AGAP1: variants seen among roughly 807,000 people sequenced by gnomAD.
AGAP1 encodes the protein arf-GAP with GTPase, ANK repeat and PH domain-containing protein 1.
Under a neutral mutation model 105.3 loss-of-function variants are expected in AGAP1, and 29 were observed. That is an observed-to-expected ratio of 0.28 (90% CI 0.21 to 0.38). The LOEUF is 0.38. Ranked by LOEUF, AGAP1 falls within the 10% of genes least tolerant of loss-of-function variation. The pLI, the probability that AGAP1 is intolerant of heterozygous loss-of-function variation, is 1.00. For synonymous variants in AGAP1, 509 were observed against 485.9 expected (o/e 1.05, Z -0.63); for missense variants, 998 against 1,165.1 (o/e 0.86, Z 2.09).
chr2:235,717,274 A>G (rs894851307), intron 2 of AGAP1, among the ~76,000 whole-genome samples: 9 of 152,186 alleles, frequency 5.9e-5, no homozygotes, highest in Admixed American at 4.6e-4. Context: ...CCCTGATGTA[A>G]ACAATGTGCT....
At chr2:235,684,196 C>T (rs2149409717) in intron 1 of AGAP1, among the ~76,000 whole-genome samples, 1 of 152,250 alleles carries the variant, frequency 6.6e-6, no homozygotes, top group South Asian at 2.1e-4. Context: ...TGGCCGCCAC[C>T]ACGCCTGGCT....
chr2:235,615,884 C>T lies in AGAP1; in HGVS notation c.164-93295C>T, dbSNP rs567896457. On this transcript the variant is annotated intron_variant, in intron 1 of 17. Coordinates refer to ENST00000304032, the MANE Select transcript of AGAP1 (RefSeq NM_001037131.3). The surrounding 1 kb of genome is among the most constrained non-coding windows in gnomAD (Gnocchi z 5.0). ...AACACTTGTAGCAAAATTAAAAGAC[C>T]AACAAAAATATGTATTACATATAGA... 2.6e-5 allele frequency among the ~76,000 whole-genome samples: 4 copies of T among 152,024 alleles called. No individual in the cohort carries two copies. In the South Asian group the frequency reaches 8.3e-4, roughly 32 times the overall value.
chr2:235,700,090 A>G lies in AGAP1; in HGVS notation c.164-9089A>G, dbSNP rs958800647. Among the ~76,000 whole-genome samples, 1 of 152,244 alleles carries G rather than the reference A, an allele frequency of 6.6e-6. No homozygotes were observed. Among genetic ancestry groups the G allele is most frequent in the African/African-American group, 2.4e-5 (1 of 41,466 alleles). The stretch of plus-strand genomic sequence containing the variant: ...AACCTGCCCTAGGAAGATGCTTGCA[A>G]CAAAACTTGTTATCACCTTGGTTTA... On this transcript the variant is annotated intron_variant, in intron 1 of 17. Transcript: ENST00000304032. The surrounding 1 kb of genome is among the most constrained non-coding windows in gnomAD (Gnocchi z 6.1).
chr2:235,892,445 TATC>T (rs950050966), intron 10 of AGAP1, among the ~76,000 whole-genome samples: 1 of 152,132 alleles, frequency 6.6e-6, no homozygotes, highest in African/African-American at 2.4e-5. Flanking sequence ...TCTCTAAAAT[TATC>T]ATCAGAATGC....
At chr2:236,086,944 G>T (rs1004295807) in intron 16 of AGAP1, among the ~76,000 whole-genome samples, 1 of 148,712 alleles carries the variant, frequency 6.7e-6, no homozygotes. Flanking sequence ...GGAAGCAGCT[G>T]GTGGGTTTTG....
intron 9 of AGAP1, among the ~76,000 whole-genome samples, chr2:235,854,938 C>T (rs1349272402): frequency 1.3e-5 from 2 of 152,178 alleles, no homozygotes; most frequent in Non-Finnish European, 2.9e-5. Flanking sequence ...GTTTGGTCAG[C>T]TCTGACTTCG....
Position 235,930,733 on chromosome 2 carries a change from C to T in AGAP1, c.1325-32C>T, listed in dbSNP as rs1487712201. 6.9e-6 allele frequency: 11 copies of T among 1,605,404 alleles called. No homozygotes were observed. Among genetic ancestry groups the T allele is most frequent in the East Asian group, 2.2e-5 (1 of 44,804 alleles). On this transcript the variant is annotated intron_variant, in intron 11 of 17. Coordinates refer to ENST00000304032, the MANE Select transcript of AGAP1 (RefSeq NM_001037131.3). The surrounding 1 kb of genome is among the most constrained non-coding windows in gnomAD (Gnocchi z 7.9). ...GCTGGTTTCTGTGGTCTGCAGTCCG[C>T]GGTGGTGTTCACCTGACTTGTTTAT... is the stretch of plus-strand genomic sequence containing the variant.
chr2:235,821,217 C>T (rs989256749), intron 9 of AGAP1, among the ~76,000 whole-genome samples: 29 of 152,024 alleles, frequency 1.9e-4, no homozygotes, highest in African/African-American at 6.8e-4. Flanking sequence ...GATGTACAGC[C>T]ATTAAAATGG....
chr2:236,120,828 A>G lies in AGAP1; in HGVS notation c.2370+381A>G, dbSNP rs1423115818. On this transcript the variant is annotated intron_variant, in intron 17 of 17. Coordinates refer to ENST00000304032, the MANE Select transcript of AGAP1 (RefSeq NM_001037131.3). The surrounding 1 kb of genome is among the most constrained non-coding windows in gnomAD (Gnocchi z 6.0). ...ACTTAACACAGAAATACTGGACCCTAAACTTTGAGGTCTGATGTGGCAGGA... is the reference window on the plus strand; with the variant it reads ...ACTTAACACAGAAATACTGGACCCTGAACTTTGAGGTCTGATGTGGCAGGA... Among the ~76,000 whole-genome samples the G allele has an allele frequency of 6.6e-6, 1 of 152,206 alleles. No individual in the cohort carries two copies. Among genetic ancestry groups the G allele is most frequent in the East Asian group, 1.9e-4 (1 of 5,192 alleles).
Position 236,035,690 on chromosome 2 carries a change from C to T in AGAP1, c.1646-871C>T, listed in dbSNP as rs1294794649. Reference sequence around the variant, plus strand: ...TTGCCAGTGGTGCCTCCTCCTTTGGCGGGGACTTGGGGGCCGGGAGTAGGG... The same window carrying T: ...TTGCCAGTGGTGCCTCCTCCTTTGGTGGGGACTTGGGGGCCGGGAGTAGGG... On this transcript the variant is annotated intron_variant, in intron 13 of 17. Transcript: ENST00000304032. This position sits in a 1 kb window ranked among gnomAD's most constrained non-coding sequence, Gnocchi z 4.2. Among the ~76,000 whole-genome samples, 1 of 152,072 alleles carries T rather than the reference C, an allele frequency of 6.6e-6. No individual in the cohort carries two copies. The highest frequency in any genetic ancestry group is 1.9e-4 in the East Asian group (1 of 5,186).
In AGAP1 at chr2:235,799,460, C is replaced by T; in HGVS notation, c.895C>T (p.Pro299Ser). 1 of 1,614,200 alleles carries T rather than the reference C, an allele frequency of 6.2e-7. No individual in the cohort carries two copies. The highest frequency in any genetic ancestry group is 8.5e-7 in the Non-Finnish European group (1 of 1,180,034). The change falls in exon 8 of 18, where the codon CCC becomes TCC. Residue 299 changes from proline to serine, a missense_variant. Physicochemically the swap from Pro to Ser is moderately conservative, Grantham distance 74. Coordinates refer to ENST00000304032, the MANE Select transcript of AGAP1 (RefSeq NM_001037131.3). This position sits in a 1 kb window ranked among gnomAD's most constrained non-coding sequence, Gnocchi z 5.0. ...SQKELRIDVP[P>S]TANTPTPVRK... Reference sequence around the variant, plus strand: ...GAAGGAACTTCGGATCGATGTTCCTCCCACTGCCAACACGCCCACGCCCGT... The same window carrying T: ...GAAGGAACTTCGGATCGATGTTCCTTCCACTGCCAACACGCCCACGCCCGT...
At chr2:235,702,219 T>G (rs1950291711) in intron 1 of AGAP1, among the ~76,000 whole-genome samples, 1 of 152,170 alleles carries the variant, frequency 6.6e-6, no homozygotes, top group African/African-American at 2.4e-5. Context: ...GTGCTTCTAG[T>G]TGATAATTTG....
chr2:235,551,736 G>A lies in AGAP1; in HGVS notation c.163+56887G>A, dbSNP rs886178516. ...TGTGAGTGGAGCATCTTTAGGGAAA[G>A]CAGGACAAACCCTAAAAGACTTTCT... On this transcript the variant is annotated intron_variant, in intron 1 of 17. Transcript: ENST00000304032. The surrounding 1 kb of genome is among the most constrained non-coding windows in gnomAD (Gnocchi z 4.8). Among the ~76,000 whole-genome samples the A allele has an allele frequency of 6.6e-6, 1 of 152,224 alleles. No homozygotes were observed. Among genetic ancestry groups the A allele is most frequent in the African/African-American group, 2.4e-5 (1 of 41,466 alleles).
At position 235,973,944 on chromosome 2, in the gene AGAP1, C is replaced by T. The variant is rs2054757752; in HGVS notation, c.1645+5321C>T. Among the ~76,000 whole-genome samples, 1 of 152,134 alleles carries T rather than the reference C, an allele frequency of 6.6e-6. No individual in the cohort carries two copies. Among genetic ancestry groups the T allele is most frequent in the Non-Finnish European group, 1.5e-5 (1 of 68,020 alleles). On this transcript the variant is annotated intron_variant, in intron 13 of 17. Transcript: ENST00000304032. This position sits in a 1 kb window ranked among gnomAD's most constrained non-coding sequence, Gnocchi z 4.7. ...TTGCAGATCTTTAATGGCTTGTCAG[C>T]TCTTGGCATTGTCTTTGAATTACAG...
rs2106608488 is a variant in AGAP1 at position 235,879,766 on chromosome 2, AAAAAT to A, written c.1051-3569_1051-3565del. Among the ~76,000 whole-genome samples, 1 of 152,172 alleles carries A rather than the reference AAAAAT, an allele frequency of 6.6e-6. No homozygotes were observed. The highest frequency in any genetic ancestry group is 2.1e-4 in the South Asian group (1 of 4,806). The stretch of plus-strand genomic sequence containing the variant: ...AAGATGATGAGACCCTGTCTCTACA[AAAAAT>A]AAAATAAAAAATTAGACAGACATGG... On this transcript the variant is annotated intron_variant, in intron 9 of 17. Transcript: ENST00000304032. The surrounding 1 kb of genome is among the most constrained non-coding windows in gnomAD (Gnocchi z 5.0).
chr2:235,973,715 T>G lies in AGAP1; in HGVS notation c.1645+5092T>G, dbSNP rs2054746935. ...AAGCCTCAAGGAGGTGGATTTTGAT[T>G]CTGATATTAAAAGCTCTAGAAAAAG... On this transcript the variant is annotated intron_variant, in intron 13 of 17. Transcript: ENST00000304032. The surrounding 1 kb of genome is among the most constrained non-coding windows in gnomAD (Gnocchi z 4.7). Among the ~76,000 whole-genome samples the G allele has an allele frequency of 6.6e-6, 1 of 152,182 alleles. No homozygotes were observed. The highest frequency in any genetic ancestry group is 2.1e-4 in the South Asian group (1 of 4,826).
rs144447032 is a variant in AGAP1 at position 236,051,885 on chromosome 2, G to C, written c.2114+2604G>C. On this transcript the variant is annotated intron_variant, in intron 16 of 17. Transcript: ENST00000304032. This position sits in a 1 kb window ranked among gnomAD's most constrained non-coding sequence, Gnocchi z 5.9. ...GCAAAACACACCCAGCCCGATAACAGAGTAGAAATTCAGACTCCCACCACC... is the reference window on the plus strand; with the variant it reads ...GCAAAACACACCCAGCCCGATAACACAGTAGAAATTCAGACTCCCACCACC... Among the ~76,000 whole-genome samples the C allele has an allele frequency of 1.3e-5, 2 of 152,274 alleles. No homozygotes were observed. The highest frequency in any genetic ancestry group is 2.9e-5 in the Non-Finnish European group (2 of 68,022).
At chr2:235,807,103 C>A in intron 8 of AGAP1, 136 bp from the exon 9 acceptor site, 1 of 753,678 alleles carries the variant, frequency 1.3e-6, no homozygotes, top group Non-Finnish European at 2.2e-6. Flanking sequence ...GTCTGCTCGT[C>A]GGACGTGTCT....
At chr2:235,669,199 C>T (rs1948232100) in intron 1 of AGAP1, among the ~76,000 whole-genome samples, 1 of 152,182 alleles carries the variant, frequency 6.6e-6, no homozygotes, top group Non-Finnish European at 1.5e-5. Context: ...ACAGTCACAT[C>T]TCTTTGTTCT....
Sources: allele counts gnomAD v4.1 joint callset (sites outside exome capture counted in the v4.1 genomes callset), GRCh38; gene constraint gnomAD v4.1.1; non-coding constraint Gnocchi (gnomAD v3.1); transcripts MANE v1.5; gene names NCBI Gene and HGNC (gene_info 2026-07-23, HGNC 2026-07-21).